Variants in NDST3 observed in about 807,000 individuals in gnomAD.
NDST3 encodes the protein bifunctional heparan sulfate N-deacetylase/N-sulfotransferase 3.
In NDST3, 58 loss-of-function variants were observed where a neutral mutation model predicts 96.1. The observed-to-expected ratio is 0.60, with a 90% confidence interval of 0.49 to 0.75. NDST3 has a LOEUF of 0.75. Ranked by LOEUF, NDST3 falls within the 30% of genes least tolerant of loss-of-function variation. The probability of loss-of-function intolerance (pLI) is 0.00; values close to 1 mark genes in which losing one functional copy is unlikely to be tolerated. For synonymous variants in NDST3, 333 were observed against 359.7 expected, an observed-to-expected ratio of 0.93 and a Z score of 0.84; for missense variants, 788 against 1,034.2, an observed-to-expected ratio of 0.76 and a Z score of 3.27.
At chr4:118,208,435 T>C (rs1738583074) in intron 6 of NDST3, among the ~76,000 whole-genome samples, 1 of 144,300 alleles carries the variant, frequency 6.9e-6, no homozygotes, top group East Asian at 2.0e-4. Flanking sequence ...TAATTAAGTC[T>C]TTATACAGTA....
intron 2 of NDST3, among the ~76,000 whole-genome samples, chr4:118,067,643 C>T (rs1434664464): frequency 6.6e-6 from 1 of 152,038 alleles, no homozygotes; most frequent in Non-Finnish European, 1.5e-5. Context: ...TTAAGGATGC[C>T]AGTGGCAAGA....
chr4:118,223,115 T>C (rs1415465098), intron 6 of NDST3, among the ~76,000 whole-genome samples: 1 of 152,038 alleles, frequency 6.6e-6, no homozygotes. Context: ...ATCATTTTTC[T>C]ACCTTATTAA....
intron 6 of NDST3, among the ~76,000 whole-genome samples, chr4:118,190,302 A>G (rs1395735213): frequency 6.6e-6 from 1 of 152,152 alleles, no homozygotes; most frequent in Non-Finnish European, 1.5e-5. Flanking sequence ...AGACCTAAAT[A>G]TATTTAGCTT....
intron 6 of NDST3, among the ~76,000 whole-genome samples, chr4:118,217,114 T>C (rs1413172800): frequency 6.6e-6 from 1 of 152,078 alleles, no homozygotes; most frequent in Admixed American, 6.6e-5. Context: ...ACAGTGGACA[T>C]GACACTCTTG....
chr4:118,176,627 A>T (rs997590054), intron 6 of NDST3, among the ~76,000 whole-genome samples: 31 of 152,258 alleles, frequency 2.0e-4, no homozygotes, highest in African/African-American at 6.5e-4. Context: ...GAGAAATAAT[A>T]ATACAGAGAA....
chr4:118,249,731 T>TAC (rs60479821), intron 12 of NDST3, among the ~76,000 whole-genome samples: 8,348 of 145,496 alleles, frequency 0.057, 289 homozygotes, highest in East Asian at 0.17. Context: ...CAGCCCCACA[T>TAC]ACACACACAC....
intron 3 of NDST3, among the ~76,000 whole-genome samples, chr4:118,112,636 C>T (rs1435997482): frequency 6.6e-6 from 1 of 152,148 alleles, no homozygotes; most frequent in African/African-American, 2.4e-5. Context: ...TAAATGACAT[C>T]ATTCTTATGT....
intron 6 of NDST3, among the ~76,000 whole-genome samples, chr4:118,149,552 T>C (rs1255928213): frequency 6.8e-6 from 1 of 147,008 alleles, no homozygotes; most frequent in Non-Finnish European, 1.5e-5. Flanking sequence ...TTTGGCTCTC[T>C]GTTTGTCTGT....
chr4:118,159,899 A>T (rs1734974607), intron 6 of NDST3, among the ~76,000 whole-genome samples: 1 of 152,204 alleles, frequency 6.6e-6, no homozygotes, highest in Non-Finnish European at 1.5e-5. Context: ...TAAACAGTGA[A>T]GAAAGTCTAA....
chr4:118,105,117 G>C lies in NDST3; in HGVS notation c.1069+12G>C, dbSNP rs1037328284. ...ATTTTACCATACAGGTAAGAAAAAGGGATTAACTGTTCTCATTAAGGCTTC... is the reference window on the plus strand; with the variant it reads ...ATTTTACCATACAGGTAAGAAAAAGCGATTAACTGTTCTCATTAAGGCTTC... On this transcript the variant is annotated intron_variant, in intron 3 of 13. Coordinates refer to ENST00000296499, the MANE Select transcript of NDST3 (RefSeq NM_004784.3). The C allele has an allele frequency of 1.9e-6, 3 of 1,589,666 alleles. No individual in the cohort carries two copies. Among genetic ancestry groups the C allele is most frequent in the African/African-American group, 1.3e-5 (1 of 74,258 alleles).
intron 2 of NDST3, among the ~76,000 whole-genome samples, chr4:118,093,280 C>T (rs919551099): frequency 2.0e-5 from 3 of 151,736 alleles, no homozygotes; most frequent in South Asian, 4.2e-4. Flanking sequence ...CAGATATTAT[C>T]TCCTTTTCTC....
At chr4:118,193,036 C>T (rs1737415043) in intron 6 of NDST3, among the ~76,000 whole-genome samples, 5 of 152,092 alleles carry the variant, frequency 3.3e-5, no homozygotes, top group Admixed American at 3.3e-4. Flanking sequence ...AAACAGCTGC[C>T]CAGGAGTCTC....
chr4:118,171,552 C>T (rs1415955356), intron 6 of NDST3, among the ~76,000 whole-genome samples: 1 of 152,084 alleles, frequency 6.6e-6, no homozygotes, highest in Non-Finnish European at 1.5e-5. Context: ...GTGTTCTGAG[C>T]GACCTCACTT....
chr4:118,045,759 T>C (rs1207352845), intron 1 of NDST3, among the ~76,000 whole-genome samples: 7 of 152,196 alleles, frequency 4.6e-5, no homozygotes, highest in East Asian at 1.9e-4. Flanking sequence ...AGATGTGCGA[T>C]AGACTCTAAT....
At chr4:118,044,055 C>A (rs1346480700) in intron 1 of NDST3, among the ~76,000 whole-genome samples, 2 of 152,178 alleles carry the variant, frequency 1.3e-5, no homozygotes, top group African/African-American at 4.8e-5. Context: ...AGCAAATACT[C>A]TTCACCACTC....
At chr4:118,207,639 G>A (rs1245598793) in intron 6 of NDST3, among the ~76,000 whole-genome samples, 1 of 144,670 alleles carries the variant, frequency 6.9e-6, no homozygotes, top group Non-Finnish European at 1.5e-5. Context: ...CTTCACAGCT[G>A]GAAGTGCCCT....
intron 5 of NDST3, 62 bp from the exon 6 acceptor site, chr4:118,143,492 TAA>T: frequency 6.5e-7 from 1 of 1,548,402 alleles, no homozygotes; most frequent in South Asian, 1.2e-5. Context: ...AGCAAAAAGC[TAA>T]GTTTCAACAA....
At chr4:118,187,949 T>C (rs1194755760) in intron 6 of NDST3, among the ~76,000 whole-genome samples, 2 of 152,142 alleles carry the variant, frequency 1.3e-5, no homozygotes, top group Non-Finnish European at 2.9e-5. Context: ...GACCCAGTCT[T>C]CATATTCTAG....
intron 12 of NDST3, among the ~76,000 whole-genome samples, chr4:118,247,646 TG>T (rs1741407153): frequency 6.6e-6 from 1 of 152,176 alleles, no homozygotes; most frequent in South Asian, 2.1e-4. Flanking sequence ...ATATGGGTTT[TG>T]GAAGGATAGT....
Sources: gnomAD v4.1 joint callset for allele counts (sites outside exome capture counted in the v4.1 genomes callset) on GRCh38, gnomAD v4.1.1 for gene constraint, MANE v1.5 for transcripts, NCBI Gene and HGNC (gene_info 2026-07-23, HGNC 2026-07-21) for gene names.